The following FRAS1 variants were observed in gnomAD, a reference collection of about 807,000 sequenced individuals.
The protein encoded by FRAS1 is extracellular matrix organizing protein FRAS1.
Under a neutral mutation model 435.2 loss-of-function variants are expected in FRAS1, and 290 were observed. The observed-to-expected ratio is 0.67, with a 90% CI of 0.61 to 0.73. The LOEUF is 0.73. Ranked by LOEUF, FRAS1 falls within the 30% of genes least tolerant of loss-of-function variation. The pLI, the probability that FRAS1 is intolerant of heterozygous loss-of-function variation, is 0.00. For missense variants in FRAS1, 4,860 were observed against 5,001.5 expected (o/e 0.97, Z 0.85); for synonymous variants, 1,800 against 1,851.0 (o/e 0.97, Z 0.71).
At chr4:78,165,381 G>A (rs1721294351) in intron 2 of FRAS1, among the ~76,000 whole-genome samples, 1 of 152,180 alleles carries the variant, frequency 6.6e-6, no homozygotes. Flanking sequence ...TCTTGCAAGT[G>A]AAACAATATG....
At chr4:78,375,552 T>C (rs1001609907) in intron 25 of FRAS1, among the ~76,000 whole-genome samples, 187 bp from the exon 26 acceptor site, 7 of 152,346 alleles carry the variant, frequency 4.6e-5, no homozygotes, top group East Asian at 1.9e-4. Flanking sequence ...TTGTGGAACG[T>C]GAGGAGTGTT....
chr4:78,224,942 T>A (rs916061702), intron 2 of FRAS1, among the ~76,000 whole-genome samples: 10 of 152,222 alleles, frequency 6.6e-5, no homozygotes, highest in Non-Finnish European at 1.5e-4. Context: ...GTACCCTTTC[T>A]AACTTGTTTG....
chr4:78,216,830 G>A (rs1723787618), intron 2 of FRAS1, among the ~76,000 whole-genome samples: 1 of 152,162 alleles, frequency 6.6e-6, no homozygotes, highest in African/African-American at 2.4e-5. Flanking sequence ...TGGGTCAGGA[G>A]AAGAAGGGAG....
chr4:78,461,961 G>C (rs529237776), intron 47 of FRAS1, among the ~76,000 whole-genome samples: 48 of 147,652 alleles, frequency 3.3e-4, no homozygotes, highest in Middle Eastern at 3.5e-3. Flanking sequence ...GGTAGGCGAC[G>C]GGAAAGGGAA....
At chr4:78,091,703 G>C (rs1741534953) in intron 2 of FRAS1, among the ~76,000 whole-genome samples, 1 of 151,864 alleles carries the variant, frequency 6.6e-6, no homozygotes, top group African/African-American at 2.4e-5. Flanking sequence ...CTGGAGTGCT[G>C]TGGCTATTCA....
At chr4:78,481,763 C>T (rs1437503925) in intron 56 of FRAS1, 41 bp from the exon 57 acceptor site, 24 of 1,609,318 alleles carry the variant, frequency 1.5e-5, no homozygotes, top group Non-Finnish European at 1.8e-5. Context: ...GATTTTCTGG[C>T]TCAAAGTTGA....
chr4:78,359,702 TAGAG>T (rs1731002191), intron 20 of FRAS1, among the ~76,000 whole-genome samples: 1 of 152,140 alleles, frequency 6.6e-6, no homozygotes, highest in Admixed American at 6.5e-5. Context: ...CAAAAAGAGT[TAGAG>T]AGTTGAACTT....
chr4:78,146,443 A>G (rs1720424295), intron 2 of FRAS1, among the ~76,000 whole-genome samples: 1 of 152,120 alleles, frequency 6.6e-6, no homozygotes, highest in Non-Finnish European at 1.5e-5. Context: ...TTTATATTCC[A>G]TAACACCTTC....
intron 22 of FRAS1, among the ~76,000 whole-genome samples, chr4:78,365,922 G>A (rs974583836): frequency 2.4e-4 from 36 of 150,248 alleles, no homozygotes; most frequent in African/African-American, 8.3e-4. Flanking sequence ...CTGAGATCAC[G>A]CCATTGCACT....
intron 2 of FRAS1, among the ~76,000 whole-genome samples, chr4:78,088,384 T>C (rs1578115310): frequency 2.0e-5 from 3 of 152,082 alleles, no homozygotes; most frequent in Admixed American, 6.5e-5. Context: ...ACTTCATGTC[T>C]AAAACACCAA....
rs372173451 is a variant in FRAS1 at position 78,255,319 on chromosome 4, A to G, written c.547A>G (p.Arg183Gly). ...RLSRCAKCLC[R>G]NGVAQCFTAQ... The stretch of plus-strand genomic sequence containing the variant: ...GAGCCGGTGTGCCAAATGTCTGTGT[A>G]GAAATGGGGTTGCCCAGTGCTTCAC... Residue 183 changes from arginine to glycine, a missense_variant, in exon 6 of 74, where the codon AGA becomes GGA. Transcript: ENST00000512123. 1.9e-6 allele frequency: 3 copies of G among 1,575,130 alleles called. No individual in the cohort carries two copies. The African/African-American group carries it at 4.0e-5, about 21-fold the overall frequency.
intron 38 of FRAS1, among the ~76,000 whole-genome samples, chr4:78,435,908 A>G (rs1485695199): frequency 6.6e-6 from 1 of 152,170 alleles, no homozygotes; most frequent in Non-Finnish European, 1.5e-5. Flanking sequence ...GTACTGAAAA[A>G]CCATAAGTAA....
At chr4:78,356,718 A>G (rs1044640503) in intron 20 of FRAS1, among the ~76,000 whole-genome samples, 5 of 152,132 alleles carry the variant, frequency 3.3e-5, no homozygotes, top group African/African-American at 1.2e-4. Context: ...TTTCATGGCA[A>G]GAGCTGTTGT....
At chr4:78,213,757 A>C (rs968079532) in intron 2 of FRAS1, among the ~76,000 whole-genome samples, 1 of 152,190 alleles carries the variant, frequency 6.6e-6, no homozygotes, top group African/African-American at 2.4e-5. Flanking sequence ...TTTTAAATTC[A>C]TTAACTCTGC....
intron 29 of FRAS1, among the ~76,000 whole-genome samples, chr4:78,392,743 T>TCA (rs1732497638): frequency 6.6e-6 from 1 of 151,988 alleles, no homozygotes; most frequent in South Asian, 2.1e-4. Context: ...GGCATTCAGT[T>TCA]GGTAATATAA....
intron 3 of FRAS1, among the ~76,000 whole-genome samples, chr4:78,239,638 T>C (rs1724917022): frequency 6.6e-6 from 1 of 152,128 alleles, no homozygotes; most frequent in Non-Finnish European, 1.5e-5. Flanking sequence ...TAATTAATAT[T>C]CTACTGTTTT....
intron 1 of FRAS1, among the ~76,000 whole-genome samples, chr4:78,061,101 C>T (rs1739741807): frequency 6.6e-6 from 1 of 152,074 alleles, no homozygotes; most frequent in Non-Finnish European, 1.5e-5. Context: ...CCTGCCTTGG[C>T]CTTTTAAAGT....
At chr4:78,261,087 A>T in intron 6 of FRAS1, among the ~76,000 whole-genome samples, 1 of 148,708 alleles carries the variant, frequency 6.7e-6, no homozygotes. Context: ...CTCTCTCATC[A>T]TTTTTCACTG....
At chr4:78,284,793 C>G (rs1351669642) in intron 13 of FRAS1, among the ~76,000 whole-genome samples, 2 of 152,106 alleles carry the variant, frequency 1.3e-5, no homozygotes, top group East Asian at 1.9e-4. Flanking sequence ...TATTGGAAGA[C>G]AGGTGATGTG....
Sources: allele counts gnomAD v4.1 joint callset (sites outside exome capture counted in the v4.1 genomes callset), GRCh38; gene constraint gnomAD v4.1.1; transcripts MANE v1.5; gene names NCBI Gene and HGNC (gene_info 2026-07-23, HGNC 2026-07-21).